The following MTRF1 variants were observed in gnomAD, a reference collection of about 807,000 sequenced individuals.
MTRF1 encodes mitochondrial translation release factor 1, also known as peptide chain release factor 1, mitochondrial.
In MTRF1, 51 loss-of-function variants were observed where a neutral mutation model predicts 62.9. That is an observed-to-expected ratio of 0.81 (90% CI 0.65 to 1.02). The LOEUF (loss-of-function observed/expected upper bound fraction) is 1.02, where lower values mean the gene tolerates loss of function less well. MTRF1 is among the 50% of genes least tolerant of loss of function. MTRF1 has a pLI of 0.00. For missense variants in MTRF1, 446 were observed against 530.0 expected (o/e 0.84, Z 1.56); for synonymous variants, 158 against 181.9 (o/e 0.87, Z 1.06).
At chr13:41,225,250 A>G (rs1222256180) in intron 8 of MTRF1, among the ~76,000 whole-genome samples, 1 of 151,520 alleles carries the variant, frequency 6.6e-6, no homozygotes, top group Non-Finnish European at 1.5e-5. Flanking sequence ...GCCTGGTGCC[A>G]AAATGTTAAA....
Position 41,260,660 on chromosome 13 carries a change from C to T in MTRF1, c.248G>A (p.Ser83Asn), listed in dbSNP as rs1276608913. ...KALQKYMENL[S>N]KEYQTLEQCL... ...TTGCTCAAGTGTTTGGTACTCCTTACTCAGGTTCTCCATATATTTCTGTAG... is the reference window on the plus strand; with the variant it reads ...TTGCTCAAGTGTTTGGTACTCCTTATTCAGGTTCTCCATATATTTCTGTAG... Residue 83 changes from serine (S) to asparagine (N), a missense_variant, in exon 2 of 10, where the codon AGT becomes AAT. By Grantham distance (46) the Ser-to-Asn change is conservative. Coordinates refer to ENST00000379480, the MANE Select transcript of MTRF1 (RefSeq NM_004294.4). 4 of 1,614,080 alleles carry T rather than the reference C, an allele frequency of 2.5e-6. No individual in the cohort carries two copies. Among genetic ancestry groups the T allele is most frequent in the Non-Finnish European group, 2.5e-6 (3 of 1,180,026 alleles).
chr13:41,239,341 G>A (rs972360274), intron 6 of MTRF1, among the ~76,000 whole-genome samples: 1 of 152,154 alleles, frequency 6.6e-6, no homozygotes, highest in Non-Finnish European at 1.5e-5. Flanking sequence ...GTTTTCATAG[G>A]TAATGGTAGT....
At chr13:41,262,088 C>A (rs1405548165) in intron 1 of MTRF1, 1 of 151,294 alleles carries the variant, frequency 6.6e-6, no homozygotes, top group African/African-American at 2.4e-5. Flanking sequence ...TGTAATCCTA[C>A]CACTTTGGGA....
chr13:41,300,525 G>A, the MTRF1 span, among the ~76,000 whole-genome samples: 1 of 151,292 alleles, frequency 6.6e-6, no homozygotes, highest in Non-Finnish European at 1.5e-5. Context: ...GGCGGAGCTT[G>A]CAGTGAGCTG....
the MTRF1 span, among the ~76,000 whole-genome samples, chr13:41,283,791 T>C: frequency 2.0e-5 from 3 of 151,184 alleles, no homozygotes; most frequent in Non-Finnish European, 4.4e-5. Flanking sequence ...GGGTTTCACC[T>C]TGGTCTCGAT....
chr13:41,238,763 G>A (rs901153155), intron 6 of MTRF1, among the ~76,000 whole-genome samples: 5 of 152,074 alleles, frequency 3.3e-5, no homozygotes, highest in Admixed American at 2.6e-4. Context: ...TAAAACTAAG[G>A]TACACTAAAA....
At chr13:41,226,614 A>G in intron 7 of MTRF1, 46 bp from the exon 8 acceptor site, 4 of 1,601,614 alleles carry the variant, frequency 2.5e-6, no homozygotes, top group Non-Finnish European at 3.4e-6. Context: ...CTTCCACCAA[A>G]TTAAGATAGA....
At chr13:41,223,235 A>G in intron 9 of MTRF1, 21 bp downstream of exon 9, 1 of 1,539,520 alleles carries the variant, frequency 6.5e-7, no homozygotes. Context: ...AAGGTAGGCA[A>G]AGCATACTCA....
At chr13:41,274,944 G>C in the MTRF1 span, among the ~76,000 whole-genome samples, 2 of 151,884 alleles carry the variant, frequency 1.3e-5, no homozygotes, top group Non-Finnish European at 2.9e-5. Context: ...CTAGTGTACC[G>C]ACTTTAGAAA....
chr13:41,257,158 G>C (rs906603808), intron 2 of MTRF1, among the ~76,000 whole-genome samples: 1 of 152,218 alleles, frequency 6.6e-6, no homozygotes, highest in Non-Finnish European at 1.5e-5. Context: ...GTCTATTTTG[G>C]TTGGAAGGCA....
the MTRF1 span, among the ~76,000 whole-genome samples, chr13:41,282,048 G>A: frequency 1.3e-5 from 2 of 151,152 alleles, no homozygotes; most frequent in Non-Finnish European, 2.9e-5. Flanking sequence ...TGAGGCAGGA[G>A]AATCACTTGA....
At chr13:41,223,951 C>G (rs961074349) in intron 8 of MTRF1, among the ~76,000 whole-genome samples, 5 of 152,198 alleles carry the variant, frequency 3.3e-5, no homozygotes, top group African/African-American at 1.2e-4. Context: ...GCCCTGCTTA[C>G]TCTTCCTACA....
At chr13:41,294,177 T>C in the MTRF1 span, among the ~76,000 whole-genome samples, 5 of 152,052 alleles carry the variant, frequency 3.3e-5, no homozygotes, top group Admixed American at 3.3e-4. Flanking sequence ...CCCAGCACTT[T>C]GGGAGGCCAA....
intron 5 of MTRF1, among the ~76,000 whole-genome samples, chr13:41,246,144 A>C (rs1246567902): frequency 6.6e-6 from 1 of 152,128 alleles, no homozygotes; most frequent in Non-Finnish European, 1.5e-5. Flanking sequence ...GAGTTATGAG[A>C]GGGTTCTCCA....
chr13:41,311,645 G>A, the MTRF1 span: 3 of 1,497,712 alleles, frequency 2.0e-6, no homozygotes, highest in East Asian at 2.5e-5. Flanking sequence ...TTAAGGGCAA[G>A]CGGTCTGGCG....
At chr13:41,311,400 A>C in the MTRF1 span, 5 of 853,892 alleles carry the variant, frequency 5.9e-6, no homozygotes, top group Middle Eastern at 9.0e-4. Context: ...GCAACTGTAG[A>C]CCAATGAACT....
chr13:41,250,555 G>A (rs1036676919), intron 5 of MTRF1, among the ~76,000 whole-genome samples: 3 of 151,234 alleles, frequency 2.0e-5, no homozygotes, highest in African/African-American at 7.3e-5. Flanking sequence ...GTGCAGTGGT[G>A]TGATCTCGAC....
intron 7 of MTRF1, among the ~76,000 whole-genome samples, chr13:41,226,880 A>G (rs1206234119): frequency 6.6e-6 from 1 of 152,202 alleles, no homozygotes; most frequent in Non-Finnish European, 1.5e-5. Context: ...GCAGCTCAAC[A>G]AACAGCAAAC....
At chr13:41,311,927 C>T in the MTRF1 span, among the ~76,000 whole-genome samples, 1 of 152,270 alleles carries the variant, frequency 6.6e-6, no homozygotes, top group East Asian at 1.9e-4. Flanking sequence ...GCAGCAGCCC[C>T]TCAGGGATCC....
Sources: gnomAD v4.1 joint callset for allele counts (sites outside exome capture counted in the v4.1 genomes callset) on GRCh38, gnomAD v4.1.1 for gene constraint, MANE v1.5 for transcripts, NCBI Gene and HGNC (gene_info 2026-07-23, HGNC 2026-07-21) for gene names.